The following CNTNAP2 variants were observed in gnomAD, a reference collection of about 807,000 sequenced individuals.
CNTNAP2 encodes contactin-associated protein-like 2.
CNTNAP2 carries 98 observed loss-of-function variants against 155.2 expected under a neutral mutation model. The observed-to-expected ratio is 0.63, with a 90% CI of 0.54 to 0.75. The LOEUF (loss-of-function observed/expected upper bound fraction) is 0.75, where lower values mean the gene tolerates loss of function less well. Ranked by LOEUF, CNTNAP2 falls within the 30% of genes least tolerant of loss-of-function variation. The pLI, the probability that CNTNAP2 is intolerant of heterozygous loss-of-function variation, is 0.00. For synonymous variants in CNTNAP2, 651 were observed against 631.2 expected (o/e 1.03, Z -0.47); for missense variants, 1,727 against 1,688.1 (o/e 1.02, Z -0.40).
At chr7:146,795,106 A>G (rs1563233656) in intron 2 of CNTNAP2, among the ~76,000 whole-genome samples, 1 of 152,240 alleles carries the variant, frequency 6.6e-6, no homozygotes. Context: ...ATATGAATAT[A>G]ACTATTTTCC....
chr7:147,208,371 G>C (rs560153759), intron 8 of CNTNAP2, among the ~76,000 whole-genome samples: 1 of 152,036 alleles, frequency 6.6e-6, no homozygotes, highest in Non-Finnish European at 1.5e-5. Context: ...TGTTCAAAAT[G>C]CAATTATCTC....
At chr7:147,222,817 T>G (rs1441570394) in intron 8 of CNTNAP2, among the ~76,000 whole-genome samples, 3 of 148,906 alleles carry the variant, frequency 2.0e-5, no homozygotes, top group Non-Finnish European at 4.5e-5. Flanking sequence ...CAGGGTTTTT[T>G]TTTTTTTTTT....
rs532004566 is a variant in CNTNAP2, at chr7:147,353,302, C to T, written c.1499-42307C>T. On this transcript the variant is annotated intron_variant, in intron 9 of 23. Coordinates refer to ENST00000361727, the MANE Select transcript of CNTNAP2 (RefSeq NM_014141.6). Reference sequence around the variant, plus strand: ...TCCCAATGTTATCCCTCCCCTTTCCCCTACTCCCCGACAGGCCCCAGTATG... The same window carrying T: ...TCCCAATGTTATCCCTCCCCTTTCCTCTACTCCCCGACAGGCCCCAGTATG... 5.3e-5 allele frequency among the ~76,000 whole-genome samples: 8 copies of T among 152,046 alleles called. No individual in the cohort carries two copies. In the East Asian group the frequency reaches 5.8e-4, roughly 11 times the overall value.
At chr7:147,213,945 T>A (rs1406825455) in intron 8 of CNTNAP2, among the ~76,000 whole-genome samples, 1 of 152,090 alleles carries the variant, frequency 6.6e-6, no homozygotes, top group Non-Finnish European at 1.5e-5. Flanking sequence ...CATCACCTTT[T>A]TGTGCTTATC....
intron 4 of CNTNAP2, among the ~76,000 whole-genome samples, chr7:147,071,809 T>A (rs1799897681): frequency 6.6e-6 from 1 of 152,206 alleles, no homozygotes; most frequent in Non-Finnish European, 1.5e-5. Flanking sequence ...ATATCTTGTT[T>A]CAAGTCATTC....
intron 4 of CNTNAP2, among the ~76,000 whole-genome samples, chr7:147,074,503 T>A (rs6958979): frequency 6.6e-6 from 1 of 152,164 alleles, no homozygotes; most frequent in African/African-American, 2.4e-5. Flanking sequence ...AGTAGCCGCA[T>A]CATGGATTAG....
chr7:146,401,509 C>T (rs1795713353), intron 1 of CNTNAP2, among the ~76,000 whole-genome samples: 1 of 152,126 alleles, frequency 6.6e-6, no homozygotes, highest in Non-Finnish European at 1.5e-5. Context: ...TTTGATACCC[C>T]ATCAATCTGT....
intron 8 of CNTNAP2, among the ~76,000 whole-genome samples, chr7:147,156,729 C>A (rs966857962): frequency 6.6e-6 from 1 of 152,090 alleles, no homozygotes; most frequent in African/African-American, 2.4e-5. Context: ...GACAGATGAC[C>A]TTTACAGTTC....
intron 4 of CNTNAP2, among the ~76,000 whole-genome samples, chr7:147,058,637 C>CGCTCTGTCATCCAGGCTAGAGTCTT (rs370903505): frequency 0.064 from 9,760 of 152,088 alleles, 413 homozygotes; most frequent in Middle Eastern, 0.13. Context: ...GATGGAGTCT[C>CGCTCTGTCATCCAGGCTAGAGTCTT]GCTCTGTCAT....
intron 3 of CNTNAP2, among the ~76,000 whole-genome samples, chr7:146,959,165 A>G (rs1327271979): frequency 2.0e-5 from 3 of 151,888 alleles, no homozygotes; most frequent in African/African-American, 7.3e-5. Flanking sequence ...GACTACAGGC[A>G]CCCACCACCA....
intron 1 of CNTNAP2, among the ~76,000 whole-genome samples, chr7:146,280,405 T>C (rs73459923): frequency 0.023 from 3,530 of 152,240 alleles, 152 homozygotes; most frequent in African/African-American, 0.081. Flanking sequence ...CTGCCCTTTT[T>C]TCACGTCTCA....
chr7:147,327,187 C>T (rs1016271698), intron 9 of CNTNAP2, among the ~76,000 whole-genome samples: 14 of 152,206 alleles, frequency 9.2e-5, no homozygotes, highest in African/African-American at 3.4e-4. Flanking sequence ...TGGCTTCTTA[C>T]TAGTTCTAGG....
chr7:148,188,997 G>A (rs1795163022), intron 18 of CNTNAP2, among the ~76,000 whole-genome samples: 2 of 152,036 alleles, frequency 1.3e-5, no homozygotes, highest in African/African-American at 4.8e-5. Context: ...TTTTGCAAGT[G>A]GCATTTCAAT....
chr7:146,185,229 A>G (rs994900263), intron 1 of CNTNAP2, among the ~76,000 whole-genome samples: 1 of 152,186 alleles, frequency 6.6e-6, no homozygotes, highest in Non-Finnish European at 1.5e-5. Flanking sequence ...ATTAAAAAAC[A>G]CAATTGAAAA....
intron 15 of CNTNAP2, among the ~76,000 whole-genome samples, chr7:148,025,743 G>T (rs1802363334): frequency 6.6e-6 from 1 of 152,080 alleles, no homozygotes; most frequent in Non-Finnish European, 1.5e-5. Context: ...ATAACTTGCA[G>T]GTTATAATTG....
chr7:147,607,695 C>T (rs1375114122), intron 12 of CNTNAP2, among the ~76,000 whole-genome samples: 2 of 152,166 alleles, frequency 1.3e-5, no homozygotes, highest in Non-Finnish European at 2.9e-5. Context: ...AGGGAATCCT[C>T]CTGTCCTTTT....
intron 3 of CNTNAP2, among the ~76,000 whole-genome samples, chr7:146,957,857 T>C (rs1009642512): frequency 2.6e-5 from 4 of 152,174 alleles, no homozygotes. Flanking sequence ...AATCCAAGTG[T>C]GTAATAGTTT....
intron 13 of CNTNAP2, among the ~76,000 whole-genome samples, chr7:147,875,132 T>A (rs1438777431): frequency 6.6e-6 from 1 of 152,210 alleles, no homozygotes; most frequent in Non-Finnish European, 1.5e-5. Flanking sequence ...AAAGTTGCTT[T>A]CACATTTTTA....
At chr7:148,391,426 C>A (rs1057279561) in intron 22 of CNTNAP2, among the ~76,000 whole-genome samples, 1 of 152,184 alleles carries the variant, frequency 6.6e-6, no homozygotes, top group Admixed American at 6.5e-5. Flanking sequence ...AAAAGACTTA[C>A]ACATTATGAT....
Sources: allele counts gnomAD v4.1 joint callset (sites outside exome capture counted in the v4.1 genomes callset), GRCh38; gene constraint gnomAD v4.1.1; transcripts MANE v1.5; gene names NCBI Gene and HGNC (gene_info 2026-07-23, HGNC 2026-07-21).